The following GLRA3 variants were observed in gnomAD, a reference collection of about 807,000 sequenced individuals.
GLRA3 encodes the protein glycine receptor subunit alpha-3.
GLRA3 carries 44 observed loss-of-function variants against 60.4 expected under a neutral mutation model. That is an observed-to-expected ratio of 0.73 (90% CI 0.57 to 0.94). The LOEUF (loss-of-function observed/expected upper bound fraction) is 0.94, where lower values mean the gene tolerates loss of function less well. Among genes scored for constraint, GLRA3 ranks in the 40% least tolerant of loss-of-function variants. The pLI, the probability that GLRA3 is intolerant of heterozygous loss-of-function variation, is 0.00. For synonymous variants in GLRA3, 223 were observed against 192.9 expected (o/e 1.16, Z -1.29); for missense variants, 508 against 564.6 (o/e 0.90, Z 1.02).
chr4:174,807,471 G>A (rs1220934109), intron 1 of GLRA3, among the ~76,000 whole-genome samples: 2 of 151,938 alleles, frequency 1.3e-5, no homozygotes, highest in Admixed American at 6.6e-5. Flanking sequence ...AATCTATAAA[G>A]AGATTTATAT....
intron 1 of GLRA3, among the ~76,000 whole-genome samples, chr4:174,822,004 T>C (rs2111399306): frequency 6.6e-6 from 1 of 152,318 alleles, no homozygotes; most frequent in South Asian, 2.1e-4. Context: ...GACATTGAAT[T>C]AAACATTATG....
At chr4:174,668,256 C>T (rs529679692) in intron 7 of GLRA3, among the ~76,000 whole-genome samples, 45 of 152,184 alleles carry the variant, frequency 3.0e-4, no homozygotes, top group African/African-American at 8.9e-4. Flanking sequence ...TTCTTTATAG[C>T]AATGTGAAAA....
chr4:174,811,800 A>G (rs1740286120), intron 1 of GLRA3, among the ~76,000 whole-genome samples: 1 of 152,104 alleles, frequency 6.6e-6, no homozygotes, highest in South Asian at 2.1e-4. Flanking sequence ...ATTCAAGAAC[A>G]TTTTCTTCCT....
At chr4:174,759,339 T>C (rs1320070139) in intron 3 of GLRA3, among the ~76,000 whole-genome samples, 2 of 152,084 alleles carry the variant, frequency 1.3e-5, no homozygotes, top group Non-Finnish European at 2.9e-5. Flanking sequence ...ACTAAAAGGT[T>C]ATAATTTTAA....
At chr4:174,691,724 C>T (rs6811502) in intron 5 of GLRA3, among the ~76,000 whole-genome samples, 25,064 of 152,060 alleles carry the variant, frequency 0.16, 2,650 homozygotes, top group South Asian at 0.28. Flanking sequence ...AGTGCAGTGG[C>T]GTGATCTCGG....
At chr4:174,656,447 T>C (rs553185942) in intron 9 of GLRA3, among the ~76,000 whole-genome samples, 8 of 152,260 alleles carry the variant, frequency 5.3e-5, no homozygotes, top group Non-Finnish European at 1.0e-4. Flanking sequence ...TTACAAGATA[T>C]ATGTGATATT....
At position 174,681,413 on chromosome 4, in the gene GLRA3, A is replaced by C. The variant is rs1304551786; in HGVS notation, c.712+1389T>G. Among the ~76,000 whole-genome samples the C allele has an allele frequency of 2.6e-5, 4 of 152,192 alleles. No individual in the cohort carries two copies. In the East Asian group the frequency reaches 7.7e-4, roughly 29 times the overall value. On this transcript the variant is annotated intron_variant, in intron 6 of 9. Transcript: ENST00000274093. ...AGTATTTGCAGATACAATCAAGTTA[A>C]AATGAAATTGTCCTGGATAAGAGGG... is the stretch of plus-strand genomic sequence containing the variant.
chr4:174,775,980 C>G (rs1337254076), intron 2 of GLRA3, among the ~76,000 whole-genome samples: 1 of 151,798 alleles, frequency 6.6e-6, no homozygotes, highest in African/African-American at 2.4e-5. Flanking sequence ...AAAATAAAAG[C>G]AAGCAGGGAC....
At chr4:174,680,812 G>A (rs1402192151) in intron 6 of GLRA3, among the ~76,000 whole-genome samples, 1 of 152,090 alleles carries the variant, frequency 6.6e-6, no homozygotes, top group Non-Finnish European at 1.5e-5. Flanking sequence ...TTTAACTTAA[G>A]TATATTTCAT....
intron 2 of GLRA3, among the ~76,000 whole-genome samples, chr4:174,779,701 G>A (rs958963147): frequency 1.6e-4 from 25 of 152,144 alleles, no homozygotes; most frequent in Non-Finnish European, 1.3e-4. Context: ...TCAACTGGAA[G>A]AAAGGGTATC....
At chr4:174,823,240 A>G (rs1740817415) in intron 1 of GLRA3, among the ~76,000 whole-genome samples, 1 of 67,732 alleles carries the variant, frequency 1.5e-5, no homozygotes, top group Admixed American at 1.2e-4. Context: ...AAAAACTAAA[A>G]CTCAAAAAAA....
intron 7 of GLRA3, among the ~76,000 whole-genome samples, chr4:174,666,739 AATATATATATATATATATATTAT>A (rs957335501): frequency 7.5e-6 from 1 of 134,170 alleles, no homozygotes; most frequent in East Asian, 2.2e-4. Context: ...CTCAAATAAG[AATATATATATATATATATATTAT>A]ATATATATAT....
At chr4:174,721,732 C>T (rs905924432) in intron 4 of GLRA3, among the ~76,000 whole-genome samples, 42 of 149,550 alleles carry the variant, frequency 2.8e-4, no homozygotes, top group African/African-American at 9.1e-4. Flanking sequence ...ATATAAATGC[C>T]ATATAACTAA....
intron 9 of GLRA3, among the ~76,000 whole-genome samples, chr4:174,650,906 T>C (rs940731985): frequency 2.0e-5 from 3 of 152,144 alleles, no homozygotes; most frequent in Non-Finnish European, 4.4e-5. Context: ...AAGAGAAAAC[T>C]TGTATGAAAA....
intron 5 of GLRA3, among the ~76,000 whole-genome samples, chr4:174,708,151 A>G (rs1310482813): frequency 6.6e-6 from 1 of 152,210 alleles, no homozygotes; most frequent in Non-Finnish European, 1.5e-5. Flanking sequence ...TATTATTTTG[A>G]ACAGTATCCA....
intron 1 of GLRA3, among the ~76,000 whole-genome samples, chr4:174,808,791 T>A (rs1342175065): frequency 6.6e-6 from 1 of 151,820 alleles, no homozygotes; most frequent in Non-Finnish European, 1.5e-5. Context: ...AAAAAAAAAA[T>A]TTAAATGTGA....
intron 5 of GLRA3, among the ~76,000 whole-genome samples, chr4:174,699,238 G>T (rs1170189212): frequency 6.6e-6 from 1 of 152,102 alleles, no homozygotes; most frequent in African/African-American, 2.4e-5. Context: ...CTGACCTTAG[G>T]TCATCAACCC....
intron 2 of GLRA3, among the ~76,000 whole-genome samples, chr4:174,782,371 G>A (rs2111283083): frequency 6.6e-6 from 1 of 151,826 alleles, no homozygotes; most frequent in Non-Finnish European, 1.5e-5. Flanking sequence ...ATACTGAATG[G>A]GGAAAAACTG....
chr4:174,823,570 G>A (rs1740835590), intron 1 of GLRA3, among the ~76,000 whole-genome samples: 1 of 152,110 alleles, frequency 6.6e-6, no homozygotes, highest in Admixed American at 6.6e-5. Flanking sequence ...TACTATTAAT[G>A]CAAGTATATA....
Sources: gnomAD v4.1 joint callset for allele counts (sites outside exome capture counted in the v4.1 genomes callset) on GRCh38, gnomAD v4.1.1 for gene constraint, MANE v1.5 for transcripts, NCBI Gene and HGNC (gene_info 2026-07-23, HGNC 2026-07-21) for gene names.